Variants in AGBL1 observed in about 807,000 individuals in gnomAD.
AGBL1 encodes AGBL carboxypeptidase 1, also known as cytosolic carboxypeptidase 4.
A neutral mutation model predicts 118.9 loss-of-function variants in AGBL1; 130 were observed. That is an observed-to-expected ratio of 1.09 (90% CI 0.95 to 1.26). The LOEUF is 1.26. Among genes scored for constraint, AGBL1 ranks in the 50% most tolerant of loss-of-function variants. AGBL1 has a pLI of 0.00. For synonymous variants in AGBL1, 555 were observed against 478.9 expected (o/e 1.16, Z -2.08); for missense variants, 1,584 against 1,298.1 (o/e 1.22, Z -3.38).
chr15:86,625,370 TTTTTTTTTGTTTTTG>T (rs1307164963), intron 21 of AGBL1, among the ~76,000 whole-genome samples: 1,249 of 48,840 alleles, frequency 0.026, 134 homozygotes, highest in East Asian at 0.14. Context: ...TTAGCGTTTT[TTTTTTTTTGTTTTTG>T]TTTTTTTTTT....
At chr15:86,658,249 A>G (rs975885848) in intron 21 of AGBL1, among the ~76,000 whole-genome samples, 3 of 152,204 alleles carry the variant, frequency 2.0e-5, no homozygotes, top group Middle Eastern at 3.4e-3. Context: ...CTAGACCAAG[A>G]CAATTATTAA....
rs1354888234 is a variant in AGBL1 at position 86,910,799 on chromosome 15, C to G, written c.*3505C>G. 3.3e-5 allele frequency: 5 copies of G among 152,078 alleles called. No individual in the cohort carries two copies. Among genetic ancestry groups the G allele is most frequent in the Admixed American group, 3.3e-4 (5 of 15,248 alleles). 9.4% of individuals were successfully genotyped at this position (152,078 alleles called of 1,614,324 possible). On this transcript the variant is annotated 3_prime_UTR_variant, in exon 23 of 23. Coordinates refer to ENST00000614907, the MANE Select transcript of AGBL1 (RefSeq NM_001386094.1). ...AGGTGAATGTCCTGAGCACCTAAGC[C>G]CAGGTGTCAGTGAGTTGGGAAGGCA...
chr15:86,419,327 A>T (rs1416649384), intron 18 of AGBL1, among the ~76,000 whole-genome samples: 3 of 152,168 alleles, frequency 2.0e-5, no homozygotes, highest in Non-Finnish European at 4.4e-5. Context: ...GAGCAGAAGC[A>T]GGGTGTTGCC....
At chr15:86,254,960 C>T (rs369880425) in intron 7 of AGBL1, among the ~76,000 whole-genome samples, 1 of 152,190 alleles carries the variant, frequency 6.6e-6, no homozygotes, top group African/African-American at 2.4e-5. Context: ...TTAATACTCC[C>T]TCCAGCCTTC....
chr15:86,833,344 C>T (rs1376324329), intron 22 of AGBL1, among the ~76,000 whole-genome samples: 2 of 152,140 alleles, frequency 1.3e-5, no homozygotes, highest in Admixed American at 6.5e-5. Context: ...AGAATTCCCA[C>T]GTGTTGTGGG....
At chr15:86,636,760 C>CTATATATATAT (rs2085101347) in intron 21 of AGBL1, among the ~76,000 whole-genome samples, 3 of 27,498 alleles carry the variant, frequency 1.1e-4, no homozygotes, top group African/African-American at 5.0e-4. Flanking sequence ...TATATATATA[C>CTATATATATAT]ACATACATAC....
At chr15:86,894,839 T>A (rs906652052) in intron 22 of AGBL1, among the ~76,000 whole-genome samples, 1 of 152,146 alleles carries the variant, frequency 6.6e-6, no homozygotes, top group African/African-American at 2.4e-5. Context: ...CAAGGAAGAT[T>A]TCAAAGAGCT....
rs76151710 is a variant in AGBL1 at position 86,493,354 on chromosome 15, T to C, written c.2556-29456T>C. Among the ~76,000 whole-genome samples the C allele has an allele frequency of 6.3e-3, 959 of 152,070 alleles. 7 individuals carry two copies. The highest frequency in any genetic ancestry group is 1.0e-2 in the Non-Finnish European group (679 of 67,954). On this transcript the variant is annotated intron_variant, in intron 18 of 22. Transcript: ENST00000614907. ...ATGGTAGACTGAAACCTCCATCAGA[T>C]GGAGGCTACAAATGGAGGAGTATTT...
At chr15:86,616,445 C>A (rs2084727411) in intron 21 of AGBL1, among the ~76,000 whole-genome samples, 1 of 151,446 alleles carries the variant, frequency 6.6e-6, no homozygotes, top group African/African-American at 2.4e-5. Context: ...TTGGACTGTA[C>A]AAATTGCAGT....
chr15:86,751,754 G>T, intron 22 of AGBL1, among the ~76,000 whole-genome samples: 1 of 152,048 alleles, frequency 6.6e-6, no homozygotes, highest in South Asian at 2.1e-4. Context: ...CATATTTTTG[G>T]TCTGCTTACT....
At chr15:86,473,953 C>A (rs1380135451) in intron 18 of AGBL1, among the ~76,000 whole-genome samples, 2 of 152,104 alleles carry the variant, frequency 1.3e-5, no homozygotes, top group Admixed American at 1.3e-4. Flanking sequence ...AAAACCCCCA[C>A]CTAGATGACT....
intron 18 of AGBL1, among the ~76,000 whole-genome samples, chr15:86,431,059 A>G (rs1297563017): frequency 6.6e-6 from 1 of 152,204 alleles, no homozygotes; most frequent in Non-Finnish European, 1.5e-5. Flanking sequence ...AACCTGGTCT[A>G]TCTTGCTCCA....
chr15:86,236,242 G>A (rs992803666), intron 6 of AGBL1, among the ~76,000 whole-genome samples: 7 of 152,138 alleles, frequency 4.6e-5, no homozygotes, highest in Admixed American at 4.6e-4. Context: ...CCAGTCCCAG[G>A]GGCACACAGT....
intron 23 of AGBL1, among the ~76,000 whole-genome samples, chr15:86,979,502 G>GT (rs1454543380): frequency 6.7e-6 from 1 of 150,226 alleles, no homozygotes; most frequent in Non-Finnish European, 1.5e-5. Flanking sequence ...TTTTTTGGCG[G>GT]GGGGGAGATG....
intron 20 of AGBL1, among the ~76,000 whole-genome samples, chr15:86,551,453 G>T (rs28856609): frequency 0.051 from 7,708 of 152,156 alleles, 625 homozygotes; most frequent in African/African-American, 0.17. Context: ...ACAACTTTAT[G>T]CCAACAAGTG....
intron 18 of AGBL1, among the ~76,000 whole-genome samples, chr15:86,458,465 T>C (rs2082288679): frequency 6.6e-6 from 1 of 152,184 alleles, no homozygotes; most frequent in African/African-American, 2.4e-5. Flanking sequence ...GGATCTAATT[T>C]ATAGAAACAT....
intron 22 of AGBL1, among the ~76,000 whole-genome samples, chr15:86,744,029 A>G (rs560684294): frequency 6.6e-6 from 1 of 152,240 alleles, no homozygotes; most frequent in East Asian, 1.9e-4. Context: ...TTAAATATAT[A>G]TATTTACTTT....
At chr15:86,458,022 A>ATACAC (rs1199754543) in intron 18 of AGBL1, among the ~76,000 whole-genome samples, 1 of 151,808 alleles carries the variant, frequency 6.6e-6, no homozygotes, top group Non-Finnish European at 1.5e-5. Context: ...ATAGGGAGAA[A>ATACAC]TGATTTTCCT....
chr15:86,133,122 T>C (rs2076840789), intron 1 of AGBL1, among the ~76,000 whole-genome samples: 1 of 152,198 alleles, frequency 6.6e-6, no homozygotes, highest in Admixed American at 6.5e-5. Flanking sequence ...ACAGAGGTTA[T>C]GGAAATTAGC....
Sources: allele counts gnomAD v4.1 joint callset (sites outside exome capture counted in the v4.1 genomes callset), GRCh38; gene constraint gnomAD v4.1.1; transcripts MANE v1.5; gene names NCBI Gene and HGNC (gene_info 2026-07-23, HGNC 2026-07-21).